The following CCR6 variants were observed in gnomAD, a reference collection of about 807,000 sequenced individuals.
CCR6 encodes C-C motif chemokine receptor 6.
A neutral mutation model predicts 3.0 loss-of-function variants in CCR6; 2 were observed. The observed-to-expected ratio is 0.66, with a 90% CI of 0.27 to 2.07. The LOEUF is 2.07. CCR6 is among the 30% of genes most tolerant of loss of function. The pLI is 0.14. For synonymous variants in CCR6, 193 were observed against 184.3 expected, an observed-to-expected ratio of 1.05 and a Z score of -0.38; for missense variants, 322 against 462.8, an observed-to-expected ratio of 0.70 and a Z score of 2.79.
Position 167,130,976 on chromosome 6 carries a change from AC to A in CCR6, c.-97-5059del, listed in dbSNP as rs200195190. ...CTCCGGGACTCCTCCCTCTGGGACC[AC>A]CCTCCCTCTGGACCCCCTCCCTTTG... On this transcript the variant is annotated intron_variant, in intron 1 of 2. Coordinates refer to ENST00000341935, the MANE Select transcript of CCR6 (RefSeq NM_031409.4). 7.5e-4 allele frequency among the ~76,000 whole-genome samples: 91 copies of A among 120,774 alleles called. 7 individuals are homozygous for A. Among genetic ancestry groups the A allele is most frequent in the South Asian group, 8.5e-4 (3 of 3,520 alleles). The allele number at this position is 120,774 out of a possible 152,430, so 79.2% of individuals were successfully genotyped here.
upstream of CCR6, among the ~76,000 whole-genome samples, chr6:167,120,440 G>GGT (rs1781568415): frequency 6.6e-6 from 1 of 152,166 alleles, no homozygotes; most frequent in African/African-American, 2.4e-5. Context: ...TCCACAAAGT[G>GGT]GTGTGCCATG....
upstream of CCR6, chr6:167,122,945 T>A (rs543921510): frequency 6.6e-6 from 1 of 152,518 alleles, no homozygotes; most frequent in East Asian, 1.9e-4. The surrounding 1 kb of genome is among the most constrained non-coding windows in gnomAD (Gnocchi z 4.2). Flanking sequence ...CACTTTACCA[T>A]TGGTTGGACT....
intron 1 of CCR6, among the ~76,000 whole-genome samples, chr6:167,124,909 T>C (rs1033636899): frequency 9.2e-5 from 14 of 152,094 alleles, no homozygotes. Flanking sequence ...CACACATGTA[T>C]GTATACATGC....
At chr6:167,128,150 T>C (rs1335776883) in intron 1 of CCR6, among the ~76,000 whole-genome samples, 1 of 152,246 alleles carries the variant, frequency 6.6e-6, no homozygotes, top group East Asian at 1.9e-4. Context: ...TAATCCAGCA[T>C]GATCTCTGCT....
chr6:167,118,211 A>G (rs946226811), upstream of CCR6, among the ~76,000 whole-genome samples: 7 of 152,216 alleles, frequency 4.6e-5, no homozygotes, highest in African/African-American at 1.7e-4. Flanking sequence ...GACAACAATC[A>G]TAATTACAAA....
intron 1 of CCR6, among the ~76,000 whole-genome samples, chr6:167,133,932 G>GTGTATGTA (rs1183741225): frequency 7.2e-5 from 8 of 110,394 alleles, no homozygotes; most frequent in African/African-American, 3.1e-4. Context: ...ATATATGTGT[G>GTGTATGTA]TATATATATA....
At chr6:167,113,161 C>T (rs779152853) in intron 1 of CCR6, among the ~76,000 whole-genome samples, 9 of 152,016 alleles carry the variant, frequency 5.9e-5, no homozygotes, top group African/African-American at 1.2e-4. Context: ...GAAATGAACC[C>T]AAAGAGACTC....
chr6:167,130,664 T>C (rs1270777889), intron 1 of CCR6, among the ~76,000 whole-genome samples: 5 of 151,874 alleles, frequency 3.3e-5, no homozygotes, highest in Non-Finnish European at 7.3e-5. Flanking sequence ...AGAATCCTGA[T>C]TCTTAACCAC....
intron 1 of CCR6, among the ~76,000 whole-genome samples, chr6:167,124,254 T>G (rs1409868250): frequency 8.2e-6 from 1 of 121,238 alleles, no homozygotes; most frequent in Non-Finnish European, 1.7e-5. Flanking sequence ...TCCAAAGAAA[T>G]TAAAGGAACT....
At chr6:167,120,237 G>A (rs189295266), upstream of CCR6, among the ~76,000 whole-genome samples, 85 of 152,270 alleles carry the variant, frequency 5.6e-4, no homozygotes, top group African/African-American at 1.8e-3. Context: ...ATTGGGCTGG[G>A]GGACTCCCAC....
At chr6:167,130,977 C>T (rs1448040277) in intron 1 of CCR6, among the ~76,000 whole-genome samples, 2 of 131,662 alleles carry the variant, frequency 1.5e-5, no homozygotes, top group Non-Finnish European at 3.2e-5. Context: ...TCTGGGACCA[C>T]CCTCCCTCTG....
chr6:167,126,731 C>G (rs1781674238), intron 1 of CCR6: 1 of 152,256 alleles, frequency 6.6e-6, no homozygotes, highest in South Asian at 2.1e-4. Context: ...AATTGCAGTT[C>G]CCATAATCCC....
chr6:167,113,476 A>G (rs1781445336), intron 1 of CCR6, among the ~76,000 whole-genome samples: 1 of 152,220 alleles, frequency 6.6e-6, no homozygotes, highest in African/African-American at 2.4e-5. Flanking sequence ...ACATGGGCCC[A>G]TTTAATGCGG....
chr6:167,129,179 C>G (rs1422858022), intron 1 of CCR6, among the ~76,000 whole-genome samples: 3 of 152,210 alleles, frequency 2.0e-5, no homozygotes, highest in African/African-American at 4.8e-5. Context: ...GTCCAGACAC[C>G]TAGCAAGCCA....
chr6:167,124,266 A>G (rs59466457), intron 1 of CCR6, among the ~76,000 whole-genome samples: 35 of 22,770 alleles, frequency 1.5e-3, no homozygotes, highest in African/African-American at 5.9e-3. Context: ...AAAGGAACTG[A>G]AAAAAAAAAA....
chr6:167,132,791 T>G (rs1486564023), intron 1 of CCR6, among the ~76,000 whole-genome samples: 1 of 152,224 alleles, frequency 6.6e-6, no homozygotes, highest in African/African-American at 2.4e-5. Flanking sequence ...TCCGTCTGCC[T>G]CGGCCTCCCA....
chr6:167,129,454 T>C (rs1480599270), intron 1 of CCR6: 1 of 152,224 alleles, frequency 6.6e-6, no homozygotes, highest in East Asian at 1.9e-4. Flanking sequence ...CAGCCAACAT[T>C]TTACCTCATT....
upstream of CCR6, among the ~76,000 whole-genome samples, chr6:167,122,292 C>A (rs545800540): frequency 1.7e-4 from 26 of 152,310 alleles, no homozygotes; most frequent in African/African-American, 6.3e-4. This position sits in a 1 kb window ranked among gnomAD's most constrained non-coding sequence, Gnocchi z 4.2. Context: ...TCACAGCAAC[C>A]CAGGTGCGAA....
At position 167,117,200 on chromosome 6, in the gene CCR6, G is replaced by A. The variant is rs546076575; in HGVS notation, c.-98+5186G>A. On this transcript the variant is annotated intron_variant, in intron 1 of 2. Transcript: ENST00000400926. Reference sequence around the variant, plus strand: ...AGCCTCTTTATCCCTCCCCACCACCGTCCCCGCATCCCTCCCTACCACCGT... The same window carrying A: ...AGCCTCTTTATCCCTCCCCACCACCATCCCCGCATCCCTCCCTACCACCGT... The A allele has an allele frequency of 5.3e-5, 8 of 150,502 alleles. No individual in the cohort carries two copies. In the East Asian group the frequency reaches 1.4e-3, roughly 26 times the overall value. The allele number at this position is 150,502 out of a possible 1,614,324, so 9.3% of individuals were successfully genotyped here.
Sources: gnomAD v4.1 joint callset for allele counts (sites outside exome capture counted in the v4.1 genomes callset) on GRCh38, gnomAD v4.1.1 for gene constraint, Gnocchi (gnomAD v3.1) non-coding constraint, MANE v1.5 for transcripts, NCBI Gene and HGNC (gene_info 2026-07-23, HGNC 2026-07-21) for gene names.